SH3RF3: variants seen among roughly 807,000 people sequenced by gnomAD.
The protein encoded by SH3RF3 is E3 ubiquitin-protein ligase SH3RF3.
SH3RF3 carries 29 observed loss-of-function variants against 66.3 expected under a neutral mutation model. The ratio of observed to expected loss-of-function variants is 0.44; its 90% CI spans 0.33 to 0.60. The LOEUF (loss-of-function observed/expected upper bound fraction) is 0.60, where lower values mean the gene tolerates loss of function less well. SH3RF3 is among the 20% of genes least tolerant of loss of function. The pLI, the probability that SH3RF3 is intolerant of heterozygous loss-of-function variation, is 0.04. For missense variants in SH3RF3, 1,194 were observed against 1,190.9 expected (o/e 1.00, Z -0.04); for synonymous variants, 583 against 532.0 (o/e 1.10, Z -1.32).
At chr2:109,393,768 C>T (rs531977296) in intron 3 of SH3RF3, among the ~76,000 whole-genome samples, 1 of 152,126 alleles carries the variant, frequency 6.6e-6, no homozygotes, top group African/African-American at 2.4e-5. Flanking sequence ...GGGGACACAA[C>T]TACTTTGCGC....
intron 3 of SH3RF3, among the ~76,000 whole-genome samples, chr2:109,388,961 A>T (rs1287235213): frequency 6.6e-6 from 1 of 152,202 alleles, no homozygotes; most frequent in African/African-American, 2.4e-5. Context: ...GTGTGCAGCC[A>T]CCACGATAGT....
chr2:109,269,635 G>A (rs1307776881), intron 1 of SH3RF3, among the ~76,000 whole-genome samples: 1 of 152,100 alleles, frequency 6.6e-6, no homozygotes, highest in East Asian at 1.9e-4. Context: ...AAAAAAAATA[G>A]CCGGACATGG....
chr2:109,191,875 T>C (rs1190290170), intron 1 of SH3RF3, among the ~76,000 whole-genome samples: 1 of 152,154 alleles, frequency 6.6e-6, no homozygotes, highest in Non-Finnish European at 1.5e-5. Context: ...ACCAGCATTT[T>C]TGAAACCTTT....
At chr2:109,169,668 TTTAA>T (rs1553479290) in intron 1 of SH3RF3, among the ~76,000 whole-genome samples, 1 of 152,180 alleles carries the variant, frequency 6.6e-6, no homozygotes, top group Non-Finnish European at 1.5e-5. Context: ...ATAGCATGTG[TTTAA>T]TTGTTTTCAT....
intron 8 of SH3RF3, among the ~76,000 whole-genome samples, chr2:109,476,082 A>G (rs1292723580): frequency 6.6e-6 from 1 of 152,180 alleles, no homozygotes; most frequent in Non-Finnish European, 1.5e-5. Flanking sequence ...AGAAACTTGT[A>G]AGAGGGCAGA....
intron 1 of SH3RF3, among the ~76,000 whole-genome samples, chr2:109,244,002 A>G (rs1443590782): frequency 1.3e-5 from 2 of 152,166 alleles, no homozygotes; most frequent in Non-Finnish European, 2.9e-5. Flanking sequence ...TCATAGGTGA[A>G]GTTTTTGCCA....
intron 1 of SH3RF3, among the ~76,000 whole-genome samples, chr2:109,214,408 AC>A (rs1289596030): frequency 6.6e-6 from 1 of 151,762 alleles, no homozygotes; most frequent in Non-Finnish European, 1.5e-5. Context: ...TGTGTAACAA[AC>A]CTGCACACTG....
At chr2:109,176,164 G>A (rs192416842) in intron 1 of SH3RF3, among the ~76,000 whole-genome samples, 278 of 152,272 alleles carry the variant, frequency 1.8e-3, no homozygotes, top group African/African-American at 5.8e-3. Context: ...AAAATTCAAA[G>A]GGTAATAACC....
intron 1 of SH3RF3, among the ~76,000 whole-genome samples, chr2:109,193,269 A>G (rs530426487): frequency 6.6e-6 from 1 of 152,216 alleles, no homozygotes; most frequent in African/African-American, 2.4e-5. Flanking sequence ...CAGCATTTAC[A>G]TTTTTTTCTT....
Position 109,459,511 on chromosome 2 carries a change from G to A in SH3RF3, c.2148+10022G>A, listed in dbSNP as rs181880226. On this transcript the variant is annotated intron_variant, in intron 8 of 9. Coordinates refer to ENST00000309415, the MANE Select transcript of SH3RF3 (RefSeq NM_001099289.3). ...GTTTTCCATTGACCTCAGTCACGGGGCATTGTGATTGAGAGCGTGCTAGGA... is the reference window on the plus strand; with the variant it reads ...GTTTTCCATTGACCTCAGTCACGGGACATTGTGATTGAGAGCGTGCTAGGA... Among the ~76,000 whole-genome samples the A allele has an allele frequency of 1.3e-4, 20 of 152,226 alleles. No homozygotes were observed. In the East Asian group the frequency reaches 1.9e-3, roughly 15 times the overall value.
intron 1 of SH3RF3, among the ~76,000 whole-genome samples, chr2:109,194,316 C>T (rs1299805706): frequency 2.6e-5 from 4 of 152,236 alleles, no homozygotes; most frequent in African/African-American, 9.6e-5. Context: ...CTTTCGAAAG[C>T]TTGGGCTGCG....
At chr2:109,253,367 A>G (rs1574531381) in intron 1 of SH3RF3, among the ~76,000 whole-genome samples, 1 of 152,266 alleles carries the variant, frequency 6.6e-6, no homozygotes, top group South Asian at 2.1e-4. Flanking sequence ...TTTCCTTGGG[A>G]GGCAGAAGTG....
chr2:109,487,443 TA>T (rs2104367920), intron 8 of SH3RF3, among the ~76,000 whole-genome samples: 1 of 152,320 alleles, frequency 6.6e-6, no homozygotes, highest in Non-Finnish European at 1.5e-5. Flanking sequence ...AACTGATGCT[TA>T]AGGCATTAGC....
intron 1 of SH3RF3, among the ~76,000 whole-genome samples, chr2:109,203,573 C>T (rs897200858): frequency 5.3e-5 from 8 of 152,290 alleles, no homozygotes; most frequent in African/African-American, 1.7e-4. Context: ...CCATGTGGTT[C>T]GTCCAGCTCT....
chr2:109,441,132 C>CAAAAAAAA (rs55649222), intron 7 of SH3RF3, among the ~76,000 whole-genome samples: 9,915 of 132,992 alleles, frequency 0.075, 572 homozygotes, highest in African/African-American at 0.15. Flanking sequence ...TATAGGAATA[C>CAAAAAAAA]AAAAAAAAAA....
At chr2:109,368,072 T>C (rs1485569253) in intron 2 of SH3RF3, among the ~76,000 whole-genome samples, 1 of 152,254 alleles carries the variant, frequency 6.6e-6, no homozygotes, top group Non-Finnish European at 1.5e-5. Flanking sequence ...TTTTAAAATA[T>C]GTTTAATGGA....
At position 109,419,772 on chromosome 2, in the gene SH3RF3, G is replaced by C. The variant is rs992879860; in HGVS notation, c.1403+130G>C. On this transcript the variant is annotated intron_variant, in intron 5 of 9. Coordinates refer to ENST00000309415, the MANE Select transcript of SH3RF3 (RefSeq NM_001099289.3). ...CTAGTTGGCCAGTATAGTTATGTGC[G>C]TCTAATAACACCGCTGAAGGGAGAG... 22 of 780,542 alleles carry C rather than the reference G, an allele frequency of 2.8e-5. No homozygotes were observed. The African/African-American group carries it at 3.7e-4, about 13-fold the overall frequency. The allele number at this position is 780,542 out of a possible 1,614,324, so 48.4% of individuals were successfully genotyped here. A position where few individuals can be genotyped will look rare whatever the true frequency, so the allele number is the denominator to read the frequency against.
At chr2:109,432,434 G>A in intron 5 of SH3RF3, 67 bp from the exon 6 acceptor site, 1 of 1,581,586 alleles carries the variant, frequency 6.3e-7, no homozygotes, top group Non-Finnish European at 8.6e-7. Context: ...CTCCCCCCAG[G>A]AATGCCGGCC....
chr2:109,436,929 T>A lies in SH3RF3; in HGVS notation c.1611T>A (p.Asn537Lys). Reference protein sequence around the residue: ...PAGGAGPPRNNVVGGSPLAKG... With the variant: ...PAGGAGPPRNKVVGGSPLAKG... ...GAGGGGCAGGGCCGCCCCGGAATAA[T>A]GTAGTCGGAGGGTCTCCACTGGCCA... The change falls in exon 7 of 10, where the codon AAT (asparagine) becomes AAA (lysine). Residue 537 changes from asparagine to lysine, a missense_variant. By Grantham distance (94) the Asn-to-Lys change is moderately conservative. Coordinates refer to ENST00000309415, the MANE Select transcript of SH3RF3 (RefSeq NM_001099289.3). The A allele has an allele frequency of 6.2e-7, 1 of 1,613,664 alleles. No individual in the cohort carries two copies. Among genetic ancestry groups the A allele is most frequent in the South Asian group, 1.1e-5 (1 of 91,084 alleles).
Sources: gnomAD v4.1 joint callset for allele counts (sites outside exome capture counted in the v4.1 genomes callset) on GRCh38, gnomAD v4.1.1 for gene constraint, MANE v1.5 for transcripts, NCBI Gene and HGNC (gene_info 2026-07-23, HGNC 2026-07-21) for gene names.